The following CACNA2D2 variants were observed in gnomAD, a reference collection of about 807,000 sequenced individuals.
CACNA2D2 encodes the protein calcium voltage-gated channel auxiliary subunit alpha2delta 2.
A neutral mutation model predicts 166.4 loss-of-function variants in CACNA2D2; 48 were observed. The observed-to-expected ratio is 0.29, with a 90% CI of 0.23 to 0.37. The LOEUF (loss-of-function observed/expected upper bound fraction) is 0.37, where lower values mean the gene tolerates loss of function less well. Ranked by LOEUF, CACNA2D2 falls within the 10% of genes least tolerant of loss-of-function variation. The pLI is 1.00. For synonymous variants in CACNA2D2, 561 were observed against 573.7 expected (o/e 0.98, Z 0.32); for missense variants, 1,122 against 1,433.0 (o/e 0.78, Z 3.50).
Position 50,366,955 on chromosome 3 carries a change from G to A in CACNA2D2, c.2501-36C>T. Reference sequence around the variant, plus strand: ...GAGCAAGGGACCATCAGTGCTACCTGCCCAGGCAGTACCCTGTCCATTGCC... The same window carrying A: ...GAGCAAGGGACCATCAGTGCTACCTACCCAGGCAGTACCCTGTCCATTGCC... On this transcript the variant is annotated intron_variant, in intron 28 of 37. Coordinates refer to ENST00000424201, the MANE Select transcript of CACNA2D2 (RefSeq NM_006030.4). The surrounding 1 kb of genome is among the most constrained non-coding windows in gnomAD (Gnocchi z 5.9). 6.2e-7 allele frequency: 1 copy of A among 1,612,642 alleles called. No homozygotes were observed.
At chr3:50,442,733 G>C (rs897544304) in intron 2 of CACNA2D2, among the ~76,000 whole-genome samples, 1 of 152,194 alleles carries the variant, frequency 6.6e-6, no homozygotes, top group Non-Finnish European at 1.5e-5. Flanking sequence ...TGAGATACTG[G>C]AGCACTGACC....
chr3:50,383,451 A>G (rs2106683709), intron 6 of CACNA2D2, among the ~76,000 whole-genome samples: 1 of 152,262 alleles, frequency 6.6e-6, no homozygotes, highest in African/African-American at 2.4e-5. Context: ...AGTGCCTTCA[A>G]TCCTGCTGCT....
rs1048840700 is a variant in CACNA2D2, at chr3:50,492,842, G to A, written c.206+10376C>T. ...GCTAGGGGTTGCCTGGAGGAGGTGA[G>A]ATGCAGGAGGGATGTGTGGGACAGG... is the stretch of plus-strand genomic sequence containing the variant. On this transcript the variant is annotated intron_variant, in intron 1 of 37. Transcript: ENST00000424201. Among the ~76,000 whole-genome samples, 9 of 151,752 alleles carry A rather than the reference G, an allele frequency of 5.9e-5. No individual in the cohort carries two copies. In the South Asian group the frequency reaches 6.3e-4, roughly 11 times the overall value.
rs1432726992 is a variant in CACNA2D2 at position 50,365,802 on chromosome 3, G to A, written c.2915+8C>T. ...ACCTTCTCTACCCACCTCCCGCTCA[G>A]GACTCACCAGGCGGCAGCAGAGGTC... is the stretch of plus-strand genomic sequence containing the variant. On this transcript the variant is annotated splice_region_variant and intron_variant, in intron 33 of 37. Coordinates refer to ENST00000424201, the MANE Select transcript of CACNA2D2 (RefSeq NM_006030.4). The surrounding 1 kb of genome is among the most constrained non-coding windows in gnomAD (Gnocchi z 4.5). 6.2e-7 allele frequency: 1 copy of A among 1,613,512 alleles called. No homozygotes were observed.
intron 1 of CACNA2D2, among the ~76,000 whole-genome samples, chr3:50,479,646 C>T (rs1053855591): frequency 3.9e-5 from 6 of 152,210 alleles, no homozygotes; most frequent in Non-Finnish European, 8.8e-5. Flanking sequence ...CAGGTCCAAC[C>T]CTGGCCAGGG....
intron 2 of CACNA2D2, among the ~76,000 whole-genome samples, chr3:50,471,273 C>T (rs956238294): frequency 6.6e-6 from 1 of 151,928 alleles, no homozygotes; most frequent in Non-Finnish European, 1.5e-5. Context: ...ACTCTCGGTG[C>T]GTCAGTGCGA....
At chr3:50,502,533 G>C (rs567956837) in intron 1 of CACNA2D2, among the ~76,000 whole-genome samples, 1 of 152,230 alleles carries the variant, frequency 6.6e-6, no homozygotes, top group Non-Finnish European at 1.5e-5. Context: ...CTATTACTCT[G>C]TTGGCAGCAG....
At position 50,379,754 on chromosome 3, in the gene CACNA2D2, A is replaced by G; in HGVS notation, c.964T>C (p.Ser322Pro). ...GCCACATTCACATAGTCATCATCAG[A>G]CAGCGTGTCCAGCATCTCGCAGACA... ...TSVCEMLDTLSDDDYVNVASF... is the reference protein window; with the variant it reads ...TSVCEMLDTLPDDDYVNVASF... The change falls in exon 10 of 38, where the codon TCT (serine) becomes CCT (proline). Residue 322 changes from serine (S) to proline (P), a missense_variant. Ser to Pro is a moderately conservative substitution (Grantham distance 74). Around this residue, in one of 2 missense-constraint regions of CACNA2D2, gnomAD observed 840 missense variants for 1,166.8 expected, o/e 0.72. Transcript: ENST00000424201. The surrounding 1 kb of genome is among the most constrained non-coding windows in gnomAD (Gnocchi z 6.5). The G allele has an allele frequency of 6.2e-7, 1 of 1,613,880 alleles. No homozygotes were observed. The highest frequency in any genetic ancestry group is 8.5e-7 in the Non-Finnish European group (1 of 1,180,024).
intron 3 of CACNA2D2, among the ~76,000 whole-genome samples, chr3:50,410,483 G>GA (rs1553739125): frequency 6.8e-6 from 1 of 147,494 alleles, no homozygotes; most frequent in African/African-American, 2.4e-5. Context: ...CCTGGGATGG[G>GA]GGGGGGGGTG....
intron 1 of CACNA2D2, among the ~76,000 whole-genome samples, chr3:50,492,967 A>C (rs1470299013): frequency 6.6e-6 from 1 of 152,144 alleles, no homozygotes; most frequent in Non-Finnish European, 1.5e-5. Context: ...AATTTTTCTC[A>C]TCTATGAAAG....
In CACNA2D2 at chr3:50,373,285, G is replaced by A. The variant is rs187300757; in HGVS notation, c.1984+1452C>T. ...GACATGAGAGAGAAAGAGAGAGCAA[G>A]AAAACTCAAAGGAGATGAGCCCCCA... On this transcript the variant is annotated intron_variant, in intron 22 of 37. Coordinates refer to ENST00000424201, the MANE Select transcript of CACNA2D2 (RefSeq NM_006030.4). 8.9e-4 allele frequency among the ~76,000 whole-genome samples: 135 copies of A among 151,182 alleles called. 1 individual carries two copies. In the East Asian group the frequency reaches 0.016, roughly 18 times the overall value.
In CACNA2D2 at chr3:50,363,475, T is replaced by TGCACAGAGC. The variant is rs1354655377; in HGVS notation, c.*1190_*1191insGCTCTGTGC. The TGCACAGAGC allele has an allele frequency of 2.1e-5, 8 of 389,782 alleles. No individual in the cohort carries two copies. Among genetic ancestry groups the TGCACAGAGC allele is most frequent in the African/African-American group, 1.0e-4 (5 of 47,978 alleles). The allele number at this position is 389,782 out of a possible 1,614,324, so 24.1% of individuals were successfully genotyped here. A position where few individuals can be genotyped will look rare whatever the true frequency, so the allele number is the denominator to read the frequency against. ...TGTGCCCAGTCCCCACCTGTGTGTG[T>TGCACAGAGC]GTGTGTGTGTGTGTGTTCAGCAAGG... On this transcript the variant is annotated 3_prime_UTR_variant, in exon 38 of 38. Transcript: ENST00000424201.
chr3:50,425,539 G>A (rs1707766674), intron 3 of CACNA2D2, among the ~76,000 whole-genome samples: 1 of 152,126 alleles, frequency 6.6e-6, no homozygotes, highest in African/African-American at 2.4e-5. Flanking sequence ...TTCCTCACAT[G>A]CACCTACCCT....
chr3:50,489,125 A>C (rs1698413824), intron 1 of CACNA2D2, among the ~76,000 whole-genome samples: 1 of 152,212 alleles, frequency 6.6e-6, no homozygotes, highest in Non-Finnish European at 1.5e-5. Flanking sequence ...TACAACTATG[A>C]AACATAGGAA....
chr3:50,449,828 G>C (rs1007620046), intron 2 of CACNA2D2, among the ~76,000 whole-genome samples: 1 of 152,170 alleles, frequency 6.6e-6, no homozygotes, highest in Non-Finnish European at 1.5e-5. Flanking sequence ...CATTCAGCCC[G>C]GGCCCTAGGG....
chr3:50,431,452 GAAT>G (rs891653107), intron 3 of CACNA2D2, among the ~76,000 whole-genome samples: 1 of 152,094 alleles, frequency 6.6e-6, no homozygotes, highest in African/African-American at 2.4e-5. Context: ...CACGCCTCAG[GAAT>G]AATGTGGGGG....
intron 2 of CACNA2D2, among the ~76,000 whole-genome samples, chr3:50,449,915 A>G (rs947046674): frequency 6.6e-6 from 1 of 152,152 alleles, no homozygotes; most frequent in African/African-American, 2.4e-5. Context: ...CTCCCACACA[A>G]TGACAGGACT....
chr3:50,396,889 C>CT (rs1285928302), intron 3 of CACNA2D2, among the ~76,000 whole-genome samples: 1 of 152,208 alleles, frequency 6.6e-6, no homozygotes, highest in African/African-American at 2.4e-5. Flanking sequence ...GAGGCGGTCT[C>CT]TTGCCGCAGA....
chr3:50,469,820 T>C (rs777881064), intron 2 of CACNA2D2, among the ~76,000 whole-genome samples: 7 of 152,250 alleles, frequency 4.6e-5, no homozygotes, highest in Non-Finnish European at 1.0e-4. Flanking sequence ...TGGCCTTAGC[T>C]GTGGGACCAC....
Sources: allele counts gnomAD v4.1 joint callset (sites outside exome capture counted in the v4.1 genomes callset), GRCh38; gene constraint gnomAD v4.1.1; regional missense constraint gnomAD v4.1.1; non-coding constraint Gnocchi (gnomAD v3.1); transcripts MANE v1.5; gene names NCBI Gene and HGNC (gene_info 2026-07-23, HGNC 2026-07-21).